The following SRGAP2B variants were observed in gnomAD, a reference collection of about 807,000 sequenced individuals.
SRGAP2B encodes SLIT-ROBO Rho GTPase-activating protein 2B.
A neutral mutation model predicts 22.2 loss-of-function variants in SRGAP2B; 9 were observed. The observed-to-expected ratio is 0.41, with a 90% CI of 0.24 to 0.71. SRGAP2B has a LOEUF of 0.71. Ranked by LOEUF, SRGAP2B falls within the 30% of genes least tolerant of loss-of-function variation. The pLI, the probability that SRGAP2B is intolerant of heterozygous loss-of-function variation, is 0.35. For synonymous variants in SRGAP2B, 36 were observed against 87.4 expected (o/e 0.41, Z 3.28); for missense variants, 114 against 235.8 (o/e 0.48, Z 3.38).
rs782037084 is a variant in SRGAP2B at position 145,008,853 on chromosome 1, AAAAAC to A, written c.68-13658_68-13654del. ...GAAACTTATTAGTGGTTAAGTTTAA[AAAAAC>A]AAAACAAAACACCAAAAAAAAAAAA... On this transcript the variant is annotated intron_variant, in intron 2 of 9. Transcript: ENST00000612199. 1.3e-3 allele frequency among the ~76,000 whole-genome samples: 184 copies of A among 145,788 alleles called. 5 individuals are homozygous for A. In the East Asian group the frequency reaches 0.029, roughly 23 times the overall value.
At position 144,955,671 on chromosome 1, in the gene SRGAP2B, C is replaced by G; in HGVS notation, c.261-70G>C. On this transcript the variant is annotated intron_variant, in intron 3 of 9. Transcript: ENST00000612199. Reference sequence around the variant, plus strand: ...CCAGGGCAACATCTACAACTATAGTCCGTGTCCTAAAATCACAGCAATCAA... The same window carrying G: ...CCAGGGCAACATCTACAACTATAGTGCGTGTCCTAAAATCACAGCAATCAA... 3 of 574,482 alleles carry G rather than the reference C, an allele frequency of 5.2e-6. No individual in the cohort carries two copies. The South Asian group carries it at 6.3e-5, about 12-fold the overall frequency. The allele number at this position is 574,482 out of a possible 1,614,324, so 35.6% of individuals were successfully genotyped here.
intron 3 of SRGAP2B, among the ~76,000 whole-genome samples, chr1:144,966,342 T>A (rs1329987631): frequency 6.7e-6 from 1 of 149,438 alleles, no homozygotes; most frequent in Admixed American, 6.6e-5. Flanking sequence ...ATATTCAACA[T>A]TCTTAAAGAA....
chr1:144,980,721 C>CT (rs1172310582), intron 3 of SRGAP2B, among the ~76,000 whole-genome samples: 6 of 148,478 alleles, frequency 4.0e-5, no homozygotes, highest in Admixed American at 1.3e-4. Context: ...CCAAATCCTA[C>CT]TTTTTTTTTC....
intron 2 of SRGAP2B, among the ~76,000 whole-genome samples, chr1:145,073,014 C>A (rs1652259291): frequency 1.3e-5 from 2 of 148,788 alleles, no homozygotes; most frequent in South Asian, 4.2e-4. Context: ...GGCCTCCAAC[C>A]AAACTCGGAG....
chr1:145,066,697 G>A (rs1198626038), intron 2 of SRGAP2B, among the ~76,000 whole-genome samples: 1 of 151,822 alleles, frequency 6.6e-6, no homozygotes, highest in African/African-American at 2.4e-5. Flanking sequence ...CAGCCCGGGA[G>A]CACAGACGCT....
At chr1:145,002,534 A>C (rs1671264405) in intron 2 of SRGAP2B, among the ~76,000 whole-genome samples, 1 of 125,602 alleles carries the variant, frequency 8.0e-6, no homozygotes, top group African/African-American at 3.4e-5. Flanking sequence ...TGGTCAACAT[A>C]GCAAGACCTC....
Position 144,922,981 on chromosome 1 carries a change from C to G in SRGAP2B, c.424-8227G>C, listed in dbSNP as rs1193926882. Among the ~76,000 whole-genome samples, 4 of 151,284 alleles carry G rather than the reference C, an allele frequency of 2.6e-5. 1 individual carries two copies. Among genetic ancestry groups the G allele is most frequent in the African/African-American group, 9.8e-5 (4 of 40,718 alleles). On this transcript the variant is annotated intron_variant, in intron 4 of 9. Coordinates refer to ENST00000612199, the Ensembl canonical transcript of SRGAP2B. ...GTGAACTTCGTGGACTCAGCTCCTA[C>G]CCTCTGTGAATGCTCACTAACAAAG... is the stretch of plus-strand genomic sequence containing the variant.
intron 2 of SRGAP2B, among the ~76,000 whole-genome samples, chr1:145,026,605 T>C (rs1553625150): frequency 2.1e-5 from 3 of 146,238 alleles, no homozygotes; most frequent in African/African-American, 7.7e-5. Flanking sequence ...GCCTCCTGTT[T>C]CAGGAGGGCC....
rs781892204 is a variant in SRGAP2B at position 144,938,429 on chromosome 1, CCTTA to C, written c.423+17006_423+17009del. ...CTCTTGCCTACTCTGTACAAGGTCTCCTTACTGTTTCTCAAACCAGATAAGCGCA... is the reference window on the plus strand; with the variant it reads ...CTCTTGCCTACTCTGTACAAGGTCTCCTGTTTCTCAAACCAGATAAGCGCA... On this transcript the variant is annotated intron_variant, in intron 4 of 9. Coordinates refer to ENST00000612199, the Ensembl canonical transcript of SRGAP2B. Among the ~76,000 whole-genome samples the C allele has an allele frequency of 3.3e-5, 3 of 91,710 alleles. No homozygotes were observed. In the East Asian group the frequency reaches 9.1e-4, roughly 28 times the overall value. 60.2% of individuals were successfully genotyped at this position (91,710 alleles called of 152,430 possible).
At chr1:144,922,527 C>CA (rs56879459) in intron 4 of SRGAP2B, among the ~76,000 whole-genome samples, 4,414 of 148,210 alleles carry the variant, frequency 0.03, 428 homozygotes, top group African/African-American at 0.11. Flanking sequence ...GGAAAGAAAA[C>CA]AAAAAAACAA....
intron 3 of SRGAP2B, among the ~76,000 whole-genome samples, chr1:144,957,698 G>C (rs1667367492): frequency 6.7e-6 from 1 of 149,882 alleles, no homozygotes; most frequent in African/African-American, 2.5e-5. Context: ...AAAATGGTAA[G>C]ATATTTGAAC....
At chr1:144,959,169 C>T (rs12091624) in intron 3 of SRGAP2B, among the ~76,000 whole-genome samples, 1 of 150,098 alleles carries the variant, frequency 6.7e-6, no homozygotes, top group Non-Finnish European at 1.5e-5. Context: ...AGGGCCTAGG[C>T]TGGGTTCATG....
chr1:144,952,708 C>T (rs1422401107), intron 4 of SRGAP2B, among the ~76,000 whole-genome samples: 3 of 150,510 alleles, frequency 2.0e-5, no homozygotes, highest in African/African-American at 5.0e-5. Flanking sequence ...GGCATGATCA[C>T]GGCTCACTGC....
intron 2 of SRGAP2B, among the ~76,000 whole-genome samples, chr1:145,015,676 C>T (rs2102260243): frequency 6.8e-6 from 1 of 147,212 alleles, no homozygotes; most frequent in Admixed American, 6.8e-5. Flanking sequence ...GTACTCCAGC[C>T]AACAGCATGT....
At chr1:144,984,357 AACAACAAC>A (rs1471019848) in intron 3 of SRGAP2B, among the ~76,000 whole-genome samples, 6 of 132,594 alleles carry the variant, frequency 4.5e-5, no homozygotes, top group Admixed American at 7.4e-5. Flanking sequence ...CAACAACAAC[AACAACAAC>A]AAAAAAAAAA....
exon 4 of SRGAP2B, chr1:144,955,439 C>A (rs782075947): frequency 6.3e-7 from 1 of 1,597,418 alleles, no homozygotes; most frequent in African/African-American, 1.4e-5. Context: ...ATCTCTGTAC[C>A]TTTTTAAAGA....
intron 2 of SRGAP2B, among the ~76,000 whole-genome samples, chr1:145,009,805 C>T (rs1289569678): frequency 8.0e-6 from 1 of 124,766 alleles, no homozygotes; most frequent in Non-Finnish European, 1.6e-5. Context: ...AAAAAATATC[C>T]AGAGAACTAA....
chr1:144,918,251 A>G (rs1664012136), intron 4 of SRGAP2B: 1 of 145,726 alleles, frequency 6.9e-6, no homozygotes, highest in African/African-American at 2.8e-5. Context: ...TTTCTCTTAA[A>G]TGTTTGCATA....
At chr1:145,068,960 T>C (rs1264675456) in intron 2 of SRGAP2B, among the ~76,000 whole-genome samples, 47 of 149,762 alleles carry the variant, frequency 3.1e-4, no homozygotes, top group African/African-American at 1.1e-3. Context: ...TGTGTATATA[T>C]ATATCTCTCT....
Sources: allele counts gnomAD v4.1 joint callset (sites outside exome capture counted in the v4.1 genomes callset), GRCh38; gene constraint gnomAD v4.1.1; transcripts MANE v1.5; gene names NCBI Gene and HGNC (gene_info 2026-07-23, HGNC 2026-07-21).